The following PAM variants were observed in gnomAD, a reference collection of about 807,000 sequenced individuals.
The protein encoded by PAM is peptidyl-glycine alpha-amidating monooxygenase.
PAM carries 72 observed loss-of-function variants against 122.1 expected under a neutral mutation model. The ratio of observed to expected loss-of-function variants is 0.59; its 90% CI spans 0.49 to 0.72. The LOEUF (loss-of-function observed/expected upper bound fraction) is 0.72. Among genes scored for constraint, PAM ranks in the 30% least tolerant of loss-of-function variants. The pLI is 0.00. For synonymous variants in PAM, 389 were observed against 404.4 expected (o/e 0.96, Z 0.46); for missense variants, 1,106 against 1,183.7 (o/e 0.93, Z 0.96).
intron 1 of PAM, among the ~76,000 whole-genome samples, chr5:102,832,494 G>A (rs1775767357): frequency 1.3e-5 from 2 of 151,684 alleles, no homozygotes; most frequent in African/African-American, 4.8e-5. Flanking sequence ...ACATATCTAT[G>A]ATAAAGCTTA....
chr5:102,828,918 GTTT>G (rs58045947), intron 1 of PAM, among the ~76,000 whole-genome samples: 1,282 of 126,002 alleles, frequency 0.01, 7 homozygotes, highest in African/African-American at 0.035. Flanking sequence ...CTACCTCAGG[GTTT>G]TTTTTTTTTT....
intron 3 of PAM, among the ~76,000 whole-genome samples, chr5:102,898,604 C>G (rs1796828106): frequency 6.6e-6 from 1 of 151,608 alleles, no homozygotes; most frequent in Non-Finnish European, 1.5e-5. Flanking sequence ...TGGCTCTAAT[C>G]TAGTTCATTG....
chr5:102,893,842 A>C (rs1023434741), intron 3 of PAM, among the ~76,000 whole-genome samples: 1 of 151,758 alleles, frequency 6.6e-6, no homozygotes, highest in Admixed American at 6.6e-5. Context: ...CATTGCTTTA[A>C]ATAATTTTCC....
intron 1 of PAM, among the ~76,000 whole-genome samples, chr5:102,796,218 G>C (rs1042728930): frequency 5.9e-5 from 9 of 152,138 alleles, no homozygotes; most frequent in Admixed American, 4.6e-4. Flanking sequence ...CTAATAGTCT[G>C]TGAGCTCCAT....
intron 14 of PAM, among the ~76,000 whole-genome samples, chr5:102,964,649 A>C (rs1387305890): frequency 6.6e-6 from 1 of 151,934 alleles, no homozygotes; most frequent in African/African-American, 2.4e-5. Context: ...TAAATATACA[A>C]ATAGAAATCA....
At chr5:102,866,443 A>G (rs1581114513) in intron 2 of PAM, 159 bp downstream of exon 2, 1 of 625,010 alleles carries the variant, frequency 1.6e-6, no homozygotes. Context: ...CCCGTGCAGA[A>G]AAAGCCCACT....
intron 22 of PAM, 145 bp downstream of exon 22, chr5:103,017,578 T>C (rs761065242): frequency 5.0e-6 from 3 of 604,846 alleles, no homozygotes; most frequent in Non-Finnish European, 8.7e-6. Flanking sequence ...AAGACCTATT[T>C]GGTGTCCATT....
rs184242015 is a variant in PAM, at chr5:102,796,603, A to C, written c.-374+41255A>C. Among the ~76,000 whole-genome samples, 344 of 152,264 alleles carry C rather than the reference A, an allele frequency of 2.3e-3. 2 individuals are homozygous for C. Among genetic ancestry groups the C allele is most frequent in the African/African-American group, 7.7e-3 (322 of 41,558 alleles). Reference sequence around the variant, plus strand: ...AAGATTAGAGAAAATTGTGAAAGAGAAAGCATTTCTTTCAATTCAGTCCTT... The same window carrying C: ...AAGATTAGAGAAAATTGTGAAAGAGCAAGCATTTCTTTCAATTCAGTCCTT... On this transcript the variant is annotated intron_variant, in intron 1 of 25. Transcript: ENST00000438793.
intron 1 of PAM, among the ~76,000 whole-genome samples, chr5:102,820,705 A>C (rs2150315725): frequency 6.6e-6 from 1 of 152,350 alleles, no homozygotes; most frequent in East Asian, 1.9e-4. Flanking sequence ...TAATAATGAA[A>C]AATTGGTTGG....
At chr5:102,756,626 C>T (rs1011474071) in intron 1 of PAM, among the ~76,000 whole-genome samples, 1 of 152,108 alleles carries the variant, frequency 6.6e-6, no homozygotes, top group Non-Finnish European at 1.5e-5. Flanking sequence ...CACAAAAAAG[C>T]ATAGTTCATG....
At chr5:103,009,091 T>G (rs548515787) in intron 20 of PAM, among the ~76,000 whole-genome samples, 4 of 152,298 alleles carry the variant, frequency 2.6e-5, no homozygotes, top group African/African-American at 9.6e-5. Context: ...TCTGAATTGT[T>G]TATTTAACGT....
chr5:102,813,616 A>G (rs2150223809), intron 1 of PAM, among the ~76,000 whole-genome samples: 1 of 152,334 alleles, frequency 6.6e-6, no homozygotes, highest in Non-Finnish European at 1.5e-5. Context: ...AACTTGCAGA[A>G]AGACATGCAA....
intron 14 of PAM, among the ~76,000 whole-genome samples, chr5:102,961,980 A>G (rs1456353049): frequency 6.6e-6 from 1 of 151,902 alleles, no homozygotes; most frequent in African/African-American, 2.4e-5. Context: ...TGTTAATGCA[A>G]ACCCACTTCT....
chr5:102,844,118 A>G (rs1779357675), intron 1 of PAM, among the ~76,000 whole-genome samples: 1 of 152,232 alleles, frequency 6.6e-6, no homozygotes, highest in Non-Finnish European at 1.5e-5. Flanking sequence ...AAGGAGGCTC[A>G]GCAGTAAAAA....
intron 4 of PAM, among the ~76,000 whole-genome samples, chr5:102,909,833 C>G (rs1238026244): frequency 6.6e-6 from 1 of 151,808 alleles, no homozygotes; most frequent in Non-Finnish European, 1.5e-5. Context: ...CAATAGTTAT[C>G]CCTAATACAT....
chr5:102,769,970 C>T (rs1336980726), intron 1 of PAM, among the ~76,000 whole-genome samples: 3 of 152,036 alleles, frequency 2.0e-5, no homozygotes, highest in Non-Finnish European at 4.4e-5. Flanking sequence ...GATATTGATT[C>T]TTCCAATCCA....
chr5:102,854,275 A>G (rs1024367398), intron 1 of PAM, among the ~76,000 whole-genome samples: 18 of 152,330 alleles, frequency 1.2e-4, no homozygotes, highest in African/African-American at 4.3e-4. Flanking sequence ...TAGCGTCATT[A>G]TAATATATAG....
rs143955889 is a variant in PAM, at chr5:102,957,639, C to T, written c.906-2236C>T. Among the ~76,000 whole-genome samples, 1,181 of 152,164 alleles carry T rather than the reference C, an allele frequency of 7.8e-3. 10 individuals carry two copies. Among genetic ancestry groups the T allele is most frequent in the Non-Finnish European group, 9.8e-3 (666 of 67,990 alleles). On this transcript the variant is annotated intron_variant, in intron 12 of 25. Transcript: ENST00000438793. ...TCTGCCCCTGTGTTCAAGCAATTCT[C>T]CTGCCTCAGCCTCTTGAGTAGTTGG...
At chr5:102,937,194 C>G (rs1753548252) in intron 7 of PAM, among the ~76,000 whole-genome samples, 1 of 152,058 alleles carries the variant, frequency 6.6e-6, no homozygotes, top group African/African-American at 2.4e-5. Flanking sequence ...TCAGAGATCC[C>G]CCTCCCCATA....
Sources: allele counts gnomAD v4.1 joint callset (sites outside exome capture counted in the v4.1 genomes callset), GRCh38; gene constraint gnomAD v4.1.1; transcripts MANE v1.5; gene names NCBI Gene and HGNC (gene_info 2026-07-23, HGNC 2026-07-21).